Variants in LPP observed in about 807,000 individuals in gnomAD.
LPP encodes lipoma-preferred partner.
LPP carries 38 observed loss-of-function variants against 60.4 expected under a neutral mutation model. That is an observed-to-expected ratio of 0.63 (90% CI 0.49 to 0.83). The LOEUF (loss-of-function observed/expected upper bound fraction) is 0.83. Among genes scored for constraint, LPP ranks in the 40% least tolerant of loss-of-function variants. The pLI is 0.00. For synonymous variants in LPP, 328 were observed against 290.8 expected (o/e 1.13, Z -1.30); for missense variants, 902 against 783.6 (o/e 1.15, Z -1.80).
At chr3:188,196,995 G>A (rs1729723312) in intron 1 of LPP, among the ~76,000 whole-genome samples, 1 of 152,164 alleles carries the variant, frequency 6.6e-6, no homozygotes, top group Admixed American at 6.5e-5. Flanking sequence ...GTTGAACTGG[G>A]CTGCATTTCC....
chr3:188,421,709 T>C (rs899987189), intron 4 of LPP, among the ~76,000 whole-genome samples: 1 of 152,208 alleles, frequency 6.6e-6, no homozygotes, highest in Non-Finnish European at 1.5e-5. Flanking sequence ...TGAAAGTTAA[T>C]TATTTTGGTC....
intron 1 of LPP, among the ~76,000 whole-genome samples, chr3:188,174,815 T>C (rs1238958798): frequency 6.6e-6 from 1 of 152,176 alleles, no homozygotes; most frequent in Non-Finnish European, 1.5e-5. Flanking sequence ...CCATGAAGCA[T>C]GCCTTGATTT....
At chr3:188,838,033 T>C (rs917427202) in intron 9 of LPP, among the ~76,000 whole-genome samples, 1 of 152,184 alleles carries the variant, frequency 6.6e-6, no homozygotes, top group Non-Finnish European at 1.5e-5. Context: ...TTAAAAAGCC[T>C]ATCTCTAGTG....
At chr3:188,205,833 C>T (rs551104038) in intron 1 of LPP, among the ~76,000 whole-genome samples, 40 of 152,208 alleles carry the variant, frequency 2.6e-4, no homozygotes, top group African/African-American at 8.9e-4. Flanking sequence ...GGATATAGCA[C>T]GGAGGGAGGT....
intron 3 of LPP, among the ~76,000 whole-genome samples, chr3:188,374,792 A>G (rs1187649586): frequency 6.6e-6 from 1 of 152,166 alleles, no homozygotes; most frequent in Admixed American, 6.5e-5. Flanking sequence ...GCCCATTTTC[A>G]AAGGGAATGC....
At chr3:188,380,411 C>G (rs973500448) in intron 3 of LPP, among the ~76,000 whole-genome samples, 5 of 152,260 alleles carry the variant, frequency 3.3e-5, no homozygotes, top group Non-Finnish European at 7.3e-5. Context: ...CTCTGCAGGA[C>G]TCTGACCTGT....
intron 5 of LPP, among the ~76,000 whole-genome samples, chr3:188,507,033 G>C (rs1016303089): frequency 6.6e-6 from 1 of 151,850 alleles, no homozygotes; most frequent in Non-Finnish European, 1.5e-5. Context: ...TCCTGGCCTC[G>C]TGGTCCACCT....
chr3:188,404,471 C>T (rs1782958629), intron 3 of LPP, among the ~76,000 whole-genome samples: 1 of 152,176 alleles, frequency 6.6e-6, no homozygotes, highest in African/African-American at 2.4e-5. Flanking sequence ...TCTCAAACTC[C>T]TGGCCTCAAG....
Position 188,485,942 on chromosome 3 carries a change from C to T in LPP, c.306+1238C>T, listed in dbSNP as rs146520048. On this transcript the variant is annotated intron_variant, in intron 5 of 11. Transcript: ENST00000617246. The stretch of plus-strand genomic sequence containing the variant: ...TGCATGGAAGTTTATTCTGTTATTC[C>T]GTCTACCTTTTAAAAAATACCTAAT... Among the ~76,000 whole-genome samples the T allele has an allele frequency of 1.5e-3, 234 of 151,768 alleles. 1 individual carries two copies. The highest frequency in any genetic ancestry group is 3.1e-3 in the East Asian group (16 of 5,168).
intron 6 of LPP, among the ~76,000 whole-genome samples, chr3:188,531,030 GCTGT>G (rs1376572757): frequency 6.6e-6 from 1 of 152,106 alleles, no homozygotes; most frequent in Non-Finnish European, 1.5e-5. Flanking sequence ...CTAGTACAGG[GCTGT>G]CTTTTTTTCC....
chr3:188,733,373 C>G (rs1021620395), intron 8 of LPP, among the ~76,000 whole-genome samples: 2 of 151,898 alleles, frequency 1.3e-5, no homozygotes, highest in African/African-American at 4.8e-5. Context: ...AATACAAAGC[C>G]TCTGTAGAAA....
intron 9 of LPP, among the ~76,000 whole-genome samples, chr3:188,820,989 ACTT>A (rs1753804522): frequency 1.3e-5 from 2 of 152,010 alleles, no homozygotes; most frequent in African/African-American, 4.8e-5. Flanking sequence ...TTCATTCTAA[ACTT>A]CTTTAACAGA....
At chr3:188,731,987 T>C (rs1275151057) in intron 8 of LPP, among the ~76,000 whole-genome samples, 1 of 152,116 alleles carries the variant, frequency 6.6e-6, no homozygotes, top group Non-Finnish European at 1.5e-5. Flanking sequence ...AAAATAGATG[T>C]GTTAAGGAGT....
chr3:188,333,031 G>A (rs1760580852), intron 2 of LPP, among the ~76,000 whole-genome samples: 3 of 151,718 alleles, frequency 2.0e-5, no homozygotes, highest in South Asian at 4.2e-4. Flanking sequence ...TCACTTCTGG[G>A]GCGTCATTAT....
At chr3:188,450,981 G>A (rs1290202795) in intron 4 of LPP, among the ~76,000 whole-genome samples, 2 of 152,114 alleles carry the variant, frequency 1.3e-5, no homozygotes, top group Admixed American at 1.3e-4. Flanking sequence ...AGGATTTGTG[G>A]CTGTGGGGAG....
At chr3:188,872,848 C>G (rs1002255853) in intron 11 of LPP, 85 bp downstream of exon 11, 1 of 1,567,278 alleles carries the variant, frequency 6.4e-7, no homozygotes, top group Non-Finnish European at 8.7e-7. Context: ...GTAGCAATTA[C>G]TAAATCTCAG....
intron 2 of LPP, among the ~76,000 whole-genome samples, chr3:188,290,012 G>A (rs567982879): frequency 2.0e-5 from 3 of 151,434 alleles, no homozygotes; most frequent in South Asian, 4.2e-4. Context: ...TTTTTGAGAC[G>A]GAGTCTTACC....
chr3:188,680,922 G>A (rs946083015), intron 7 of LPP, among the ~76,000 whole-genome samples: 4 of 151,972 alleles, frequency 2.6e-5, no homozygotes, highest in African/African-American at 7.3e-5. Flanking sequence ...CAGAGTAAAC[G>A]GAGCTGGGAG....
At chr3:188,378,491 T>TG (rs1775895034) in intron 3 of LPP, among the ~76,000 whole-genome samples, 1 of 152,196 alleles carries the variant, frequency 6.6e-6, no homozygotes, top group African/African-American at 2.4e-5. Context: ...TGAGACTCCA[T>TG]GGGCTTAGGA....
Sources: gnomAD v4.1 joint callset for allele counts (sites outside exome capture counted in the v4.1 genomes callset) on GRCh38, gnomAD v4.1.1 for gene constraint, MANE v1.5 for transcripts, NCBI Gene and HGNC (gene_info 2026-07-23, HGNC 2026-07-21) for gene names.